Variants in MAP2K5 observed in about 807,000 individuals in gnomAD.
MAP2K5 encodes mitogen-activated protein kinase kinase 5, also known as dual specificity mitogen-activated protein kinase kinase 5.
MAP2K5 carries 49 observed loss-of-function variants against 83.1 expected under a neutral mutation model. That is an observed-to-expected ratio of 0.59 (90% CI 0.47 to 0.75). The LOEUF is 0.75. MAP2K5 is among the 30% of genes least tolerant of loss of function. The probability of loss-of-function intolerance (pLI) is 0.00; values close to 1 mark genes in which losing one functional copy is unlikely to be tolerated. For synonymous variants in MAP2K5, 202 were observed against 191.8 expected (o/e 1.05, Z -0.44); for missense variants, 457 against 557.5 (o/e 0.82, Z 1.82).
rs1259137052 is a variant in MAP2K5, at chr15:67,747,495, A to G, written c.1075-736A>G. Among the ~76,000 whole-genome samples the G allele has an allele frequency of 6.6e-6, 1 of 152,162 alleles. No homozygotes were observed. The highest frequency in any genetic ancestry group is 1.5e-5 in the Non-Finnish European group (1 of 68,028). On this transcript the variant is annotated intron_variant, in intron 17 of 21. Transcript: ENST00000178640. The surrounding 1 kb of genome is among the most constrained non-coding windows in gnomAD (Gnocchi z 4.1). Reference sequence around the variant, plus strand: ...CTAAGTGGATGTTTTATTAATTTTTATGTCACGTTTTAGTAGCTTTGTAAG... The same window carrying G: ...CTAAGTGGATGTTTTATTAATTTTTGTGTCACGTTTTAGTAGCTTTGTAAG...
Position 67,773,927 on chromosome 15 carries a change from G to A in MAP2K5, c.1242+1175G>A, listed in dbSNP as rs1250849792. 2.0e-5 allele frequency among the ~76,000 whole-genome samples: 3 copies of A among 152,066 alleles called. No homozygotes were observed. In the East Asian group the frequency reaches 5.8e-4, roughly 29 times the overall value. On this transcript the variant is annotated intron_variant, in intron 21 of 21. Transcript: ENST00000178640. ...TGCATTATTATGCTATGGCTGGATA[G>A]CTCAGCTGTTAAAACAAAGGAATAG... is the stretch of plus-strand genomic sequence containing the variant.
In MAP2K5 at chr15:67,658,692, A is replaced by G. The variant is rs2087153189; in HGVS notation, c.798+78A>G. 4.0e-6 allele frequency: 5 copies of G among 1,256,618 alleles called. No individual in the cohort carries two copies. In the East Asian group the frequency reaches 7.0e-5, roughly 18 times the overall value. 77.8% of individuals were successfully genotyped at this position (1,256,618 alleles called of 1,614,324 possible). A position where few individuals can be genotyped will look rare whatever the true frequency, so the allele number is the denominator to read the frequency against. On this transcript the variant is annotated intron_variant, in intron 12 of 21. Transcript: ENST00000178640. ...CAAGCTCATTCTTCTTATATTCTCA[A>G]TGTTTTTTCTTGTTCTTCAATCCCA...
rs550146697 is a variant in MAP2K5, at chr15:67,806,642, G to T, written c.1243-4G>T. The T allele has an allele frequency of 1.3e-6, 2 of 1,549,502 alleles. No homozygotes were observed. Among genetic ancestry groups the T allele is most frequent in the Non-Finnish European group, 1.7e-6 (2 of 1,146,698 alleles). ...CTGTCACAGCCTCCTCCTCTTCCCC[G>T]CAGGGCCACCCGTTCATCGTGCAGT... On this transcript the variant is annotated splice_polypyrimidine_tract_variant and splice_region_variant and intron_variant, in intron 21 of 21. Coordinates refer to ENST00000178640, the MANE Select transcript of MAP2K5 (RefSeq NM_145160.3).
chr15:67,616,878 A>T (rs1236356491), intron 8 of MAP2K5, among the ~76,000 whole-genome samples: 1 of 152,202 alleles, frequency 6.6e-6, no homozygotes, highest in African/African-American at 2.4e-5. Flanking sequence ...ACAATTGATA[A>T]CACTCTATAA....
intron 19 of MAP2K5, among the ~76,000 whole-genome samples, chr15:67,762,886 C>T (rs367991311): frequency 4.6e-4 from 70 of 152,256 alleles, no homozygotes; most frequent in African/African-American, 1.5e-3. Flanking sequence ...GCCTTTACCC[C>T]GTGGTTCCAG....
rs375400704 is a variant in MAP2K5 at position 67,592,118 on chromosome 15, C to A, written c.432-808C>A. ...GGGCAACAAGAGTGAAACTATGTCT[C>A]AAAAAAAAAAAAAAAAAGGACTTTC... is the stretch of plus-strand genomic sequence containing the variant. On this transcript the variant is annotated intron_variant, in intron 6 of 21. Coordinates refer to ENST00000178640, the MANE Select transcript of MAP2K5 (RefSeq NM_145160.3). Among the ~76,000 whole-genome samples, 226 of 117,876 alleles carry A rather than the reference C, an allele frequency of 1.9e-3. 2 individuals are homozygous for A. Among genetic ancestry groups the A allele is most frequent in the South Asian group, 3.0e-3 (10 of 3,388 alleles). The allele number at this position is 117,876 out of a possible 152,430, so 77.3% of individuals were successfully genotyped here.
chr15:67,554,445 A>C (rs1255004045), intron 2 of MAP2K5, among the ~76,000 whole-genome samples: 2 of 152,238 alleles, frequency 1.3e-5, no homozygotes, highest in East Asian at 3.8e-4. Context: ...TAGTGATATG[A>C]ATTAAGCAAC....
At chr15:67,614,840 C>G (rs2086018612) in intron 8 of MAP2K5, among the ~76,000 whole-genome samples, 1 of 152,110 alleles carries the variant, frequency 6.6e-6, no homozygotes, top group Non-Finnish European at 1.5e-5. Flanking sequence ...CAGTAGCTTT[C>G]TCTTATTGAA....
In MAP2K5 at chr15:67,793,301, C is replaced by A. The variant is rs138885336; in HGVS notation, c.1243-13345C>A. 1.2e-4 allele frequency among the ~76,000 whole-genome samples: 18 copies of A among 152,236 alleles called. No individual in the cohort carries two copies. The highest frequency in any genetic ancestry group is 1.0e-3 in the South Asian group (5 of 4,834). The stretch of plus-strand genomic sequence containing the variant: ...CATCTCTAAAAAAAAACAAAAAATT[C>A]TTTAGCTCATTATTATGGACATTGT... On this transcript the variant is annotated intron_variant, in intron 21 of 21. Coordinates refer to ENST00000178640, the MANE Select transcript of MAP2K5 (RefSeq NM_145160.3). This position sits in a 1 kb window ranked among gnomAD's most constrained non-coding sequence, Gnocchi z 4.6.
At chr15:67,751,073 G>A (rs1219303457) in intron 19 of MAP2K5, among the ~76,000 whole-genome samples, 3 of 152,122 alleles carry the variant, frequency 2.0e-5, no homozygotes, top group Admixed American at 6.5e-5. Flanking sequence ...CACCACTAAG[G>A]TGGGCAAGAG....
At chr15:67,739,466 T>A (rs1487870605) in intron 17 of MAP2K5, among the ~76,000 whole-genome samples, 68 of 20,844 alleles carry the variant, frequency 3.3e-3, no homozygotes, top group African/African-American at 5.4e-3. Context: ...ATATATATTT[T>A]TTTTTTTTTT....
intron 20 of MAP2K5, 85 bp from the exon 21 acceptor site, chr15:67,772,622 A>G (rs1596949209): frequency 2.5e-6 from 2 of 788,396 alleles, no homozygotes; most frequent in Non-Finnish European, 4.0e-6. Flanking sequence ...TTCAAATTCC[A>G]GTACAAATAG....
intron 3 of MAP2K5, among the ~76,000 whole-genome samples, chr15:67,570,932 A>T (rs1706456736): frequency 6.6e-6 from 1 of 152,220 alleles, no homozygotes; most frequent in Non-Finnish European, 1.5e-5. Flanking sequence ...GTTGTCTGTT[A>T]GGCATGCTAA....
At chr15:67,711,514 C>G (rs557272145) in intron 16 of MAP2K5, among the ~76,000 whole-genome samples, 22 of 152,210 alleles carry the variant, frequency 1.4e-4, no homozygotes, top group Non-Finnish European at 4.4e-5. Flanking sequence ...AAGCCATTAT[C>G]CCCTCTCTTT....
At chr15:67,721,159 A>G (rs1433445874) in intron 16 of MAP2K5, among the ~76,000 whole-genome samples, 1 of 152,026 alleles carries the variant, frequency 6.6e-6, no homozygotes, top group Non-Finnish European at 1.5e-5. Context: ...TTTAAGTTCC[A>G]GGGTACATGT....
intron 1 of MAP2K5, among the ~76,000 whole-genome samples, chr15:67,546,862 C>G (rs1376319111): frequency 1.3e-5 from 2 of 151,914 alleles, no homozygotes; most frequent in African/African-American, 4.8e-5. Flanking sequence ...CTCAGGAGTT[C>G]GAGACCAGCC....
At chr15:67,703,759 C>T (rs1176385858) in intron 16 of MAP2K5, among the ~76,000 whole-genome samples, 1 of 152,052 alleles carries the variant, frequency 6.6e-6, no homozygotes, top group Non-Finnish European at 1.5e-5. Context: ...TCTGGAGAAC[C>T]CGTGATGTAA....
chr15:67,659,451 T>C (rs1230346008), intron 12 of MAP2K5: 1 of 152,188 alleles, frequency 6.6e-6, no homozygotes, highest in Non-Finnish European at 1.5e-5. Context: ...CTTAGTTCAT[T>C]GTAATTCACA....
chr15:67,688,972 A>C (rs2088028830), intron 13 of MAP2K5, among the ~76,000 whole-genome samples: 1 of 152,246 alleles, frequency 6.6e-6, no homozygotes, highest in South Asian at 2.1e-4. Flanking sequence ...TCAACCAGTG[A>C]GCAAGATACT....
Sources: allele counts gnomAD v4.1 joint callset (sites outside exome capture counted in the v4.1 genomes callset), GRCh38; gene constraint gnomAD v4.1.1; non-coding constraint Gnocchi (gnomAD v3.1); transcripts MANE v1.5; gene names NCBI Gene and HGNC (gene_info 2026-07-23, HGNC 2026-07-21).